The following MKRN2 variants were observed in gnomAD, a reference collection of about 807,000 sequenced individuals.
The protein encoded by MKRN2 is E3 ubiquitin-protein ligase makorin-2.
Under a neutral mutation model 45.4 loss-of-function variants are expected in MKRN2, and 32 were observed. The ratio of observed to expected loss-of-function variants is 0.70; its 90% CI spans 0.53 to 0.95. The LOEUF is 0.95. MKRN2 is among the 40% of genes least tolerant of loss of function. The pLI is 0.00. For missense variants in MKRN2, 526 were observed against 536.7 expected, an observed-to-expected ratio of 0.98 and a Z score of 0.20; for synonymous variants, 206 against 192.4, an observed-to-expected ratio of 1.07 and a Z score of -0.59.
Position 12,581,863 on chromosome 3 carries a change from A to C in MKRN2, c.1024A>C (p.Lys342Gln), listed in dbSNP as rs1458298640. Reference protein sequence around the residue: ...QGKGTCPFGSKCLYRHAYPDG... With the variant: ...QGKGTCPFGSQCLYRHAYPDG... ...CAAGGGGACCTGCCCATTTGGAAGC[A>C]AATGTCTTTATCGCCATGCTTACCC... is the stretch of plus-strand genomic sequence containing the variant. The change falls in exon 7 of 8, where the codon AAA becomes CAA. Residue 342 changes from lysine (K) to glutamine (Q), a missense_variant. Lys to Gln is a moderately conservative substitution (Grantham distance 53). Coordinates refer to ENST00000170447, the MANE Select transcript of MKRN2 (RefSeq NM_014160.5). 6.2e-7 allele frequency: 1 copy of C among 1,614,200 alleles called. No homozygotes were observed. The highest frequency in any genetic ancestry group is 8.5e-7 in the Non-Finnish European group (1 of 1,180,042).
rs928716386 is a variant in MKRN2 at position 12,571,166 on chromosome 3, G to A, written c.338-903G>A. ...TTTGGAGATGGAGACTCGCTCTGTC[G>A]CCTAGGCTGCAGTGCAGTGGCATGA... On this transcript the variant is annotated intron_variant, in intron 3 of 7. Coordinates refer to ENST00000170447, the MANE Select transcript of MKRN2 (RefSeq NM_014160.5). 5.9e-5 allele frequency among the ~76,000 whole-genome samples: 9 copies of A among 151,380 alleles called. No homozygotes were observed. The South Asian group carries it at 8.3e-4, about 14-fold the overall frequency.
At chr3:12,577,545 GTTGTCTT>G in intron 6 of MKRN2, among the ~76,000 whole-genome samples, 1 of 151,980 alleles carries the variant, frequency 6.6e-6, no homozygotes, top group Middle Eastern at 3.4e-3. Flanking sequence ...GTTGACCTCT[GTTGTCTT>G]TTAAGAATGG....
Position 12,582,288 on chromosome 3 carries a change from C to T in MKRN2, c.*35C>T, listed in dbSNP as rs111978358. The T allele has an allele frequency of 2.4e-5, 39 of 1,609,246 alleles. No homozygotes were observed. The highest frequency in any genetic ancestry group is 4.0e-5 in the African/African-American group (3 of 74,940). On this transcript the variant is annotated 3_prime_UTR_variant, in exon 8 of 8. Coordinates refer to ENST00000170447, the MANE Select transcript of MKRN2 (RefSeq NM_014160.5). Reference sequence around the variant, plus strand: ...GGTTGCCCTGCATCTTGGGCTCCATCGGCCGAAACTTTCCCAAGCCAGGGT... The same window carrying T: ...GGTTGCCCTGCATCTTGGGCTCCATTGGCCGAAACTTTCCCAAGCCAGGGT...
rs2125306803 is a variant in MKRN2 at position 12,576,686 on chromosome 3, G to A, written c.913G>A (p.Val305Met). The A allele has an allele frequency of 3.7e-6, 6 of 1,610,904 alleles. No individual in the cohort carries two copies. The highest frequency in any genetic ancestry group is 4.2e-6 in the Non-Finnish European group (5 of 1,177,430). ...SEFVIPSVYW[V>M]EDQNKKNELI... ...GTTTGTAATTCCAAGTGTGTATTGG[G>A]TGGAAGATCAGAATAAAAAGAACGA... Residue 305 changes from valine to methionine, a missense_variant, in exon 6 of 8, where the codon GTG (valine) becomes ATG (methionine). Physicochemically the swap from Val to Met is conservative, Grantham distance 21. Coordinates refer to ENST00000170447, the MANE Select transcript of MKRN2 (RefSeq NM_014160.5).
At chr3:12,565,474 C>T (rs974386352) in intron 1 of MKRN2, among the ~76,000 whole-genome samples, 3 of 148,282 alleles carry the variant, frequency 2.0e-5, no homozygotes, top group African/African-American at 7.5e-5. Context: ...TTTTCCAAGT[C>T]GATTTTGGGT....
At chr3:12,560,657 T>G (rs2058029629) in intron 1 of MKRN2, 1 of 152,266 alleles carries the variant, frequency 6.6e-6, no homozygotes, top group African/African-American at 2.4e-5. Flanking sequence ...GCAGTGAACC[T>G]GATATGCTCT....
intron 1 of MKRN2, 102 bp downstream of exon 1, chr3:12,557,278 C>T: frequency 6.9e-7 from 1 of 1,441,016 alleles, no homozygotes; most frequent in Non-Finnish European, 9.2e-7. Context: ...TAGAGCGGGA[C>T]TCGGAAAGTT....
rs2058201766 is a variant in MKRN2, at chr3:12,583,298, T to A, written c.*1045T>A. On this transcript the variant is annotated 3_prime_UTR_variant, in exon 8 of 8. Transcript: ENST00000170447. ...GAACCAGCACTAGCTTGTTCCAAGC[T>A]GGAATTTATCTAATCTATTTTTGTG... 6.5e-6 allele frequency: 1 copy of A among 153,530 alleles called. No homozygotes were observed. Among genetic ancestry groups the A allele is most frequent in the Non-Finnish European group, 1.5e-5 (1 of 68,860 alleles). 9.5% of individuals were successfully genotyped at this position (153,530 alleles called of 1,614,324 possible). A position where few individuals can be genotyped will look rare whatever the true frequency, so the allele number is the denominator to read the frequency against.
chr3:12,565,323 T>TC, intron 1 of MKRN2, among the ~76,000 whole-genome samples: 2 of 152,286 alleles, frequency 1.3e-5, no homozygotes, highest in African/African-American at 4.8e-5. Context: ...TCATAGGTTG[T>TC]CCCCAGTCTC....
intron 4 of MKRN2, 36 bp from the exon 5 acceptor site, chr3:12,574,756 C>G: frequency 6.3e-7 from 1 of 1,585,272 alleles, no homozygotes. Context: ...CCTCAGTGGC[C>G]CACAACCAAA....
In MKRN2 at chr3:12,576,819, C is replaced by T. The variant is rs531497750; in HGVS notation, c.968+78C>T. The T allele has an allele frequency of 7.5e-6, 8 of 1,060,246 alleles. No homozygotes were observed. In the South Asian group the frequency reaches 1.1e-4, roughly 15 times the overall value. 65.7% of individuals were successfully genotyped at this position (1,060,246 alleles called of 1,614,324 possible). On this transcript the variant is annotated intron_variant, in intron 6 of 7. Coordinates refer to ENST00000170447, the MANE Select transcript of MKRN2 (RefSeq NM_014160.5). ...CAGCCCGTGTCCTCGTTCTCCTTCC[C>T]AGGAGTGTGGTCTTAGGGGCCTCTT...
intron 4 of MKRN2, among the ~76,000 whole-genome samples, chr3:12,573,312 C>T (rs191822002): frequency 6.6e-6 from 1 of 151,808 alleles, no homozygotes; most frequent in Non-Finnish European, 1.5e-5. Context: ...ATTGCTTGAC[C>T]CCAGGAGTTT....
chr3:12,576,484 T>G, intron 5 of MKRN2, 147 bp from the exon 6 acceptor site: 2 of 549,662 alleles, frequency 3.6e-6, no homozygotes, highest in Admixed American at 3.2e-5. Context: ...GTAAATAAGG[T>G]TCTTGGATGA....
At chr3:12,575,690 C>T (rs564876492) in intron 5 of MKRN2, among the ~76,000 whole-genome samples, 14 of 152,262 alleles carry the variant, frequency 9.2e-5, no homozygotes, top group Admixed American at 7.2e-4. Flanking sequence ...GAGATAAAAG[C>T]CCACAATTTA....
At chr3:12,563,430 C>T (rs1380686240) in intron 1 of MKRN2, among the ~76,000 whole-genome samples, 1 of 151,330 alleles carries the variant, frequency 6.6e-6, no homozygotes, top group Non-Finnish European at 1.5e-5. Context: ...CAGTCTGGGC[C>T]TCTCGGGCCT....
intron 1 of MKRN2, among the ~76,000 whole-genome samples, chr3:12,563,527 G>T (rs1429770870): frequency 8.0e-6 from 1 of 125,162 alleles, no homozygotes; most frequent in Non-Finnish European, 1.6e-5. Context: ...GTCTCACTCT[G>T]TCGCCAGGCT....
rs35726193 is a variant in MKRN2 at position 12,567,481 on chromosome 3, CTT to C, written c.27-1372_27-1371del. The stretch of plus-strand genomic sequence containing the variant: ...CCCTTTGTTGCCCTGGCTAGTTTAT[CTT>C]TTTTTTTTTTTTTTTTTTTTTGAGA... On this transcript the variant is annotated intron_variant, in intron 1 of 7. Transcript: ENST00000170447. Among the ~76,000 whole-genome samples, 243 of 76,982 alleles carry C rather than the reference CTT, an allele frequency of 3.2e-3. 1 individual carries two copies. Among genetic ancestry groups the C allele is most frequent in the Middle Eastern group, 0.024 (2 of 84 alleles). The allele number at this position is 76,982 out of a possible 152,430, so 50.5% of individuals were successfully genotyped here.
chr3:12,560,252 CTG>C lies in MKRN2; in HGVS notation c.26+3077_26+3078del, dbSNP rs369572790. Among the ~76,000 whole-genome samples the C allele has an allele frequency of 3.6e-3, 543 of 152,200 alleles. 2 individuals are homozygous for C. The highest frequency in any genetic ancestry group is 0.012 in the African/African-American group (505 of 41,526). ...TATAATCACATTACAGATGGGGAAA[CTG>C]AGGCTCAGTGACTTAAATAACTTGC... On this transcript the variant is annotated intron_variant, in intron 1 of 7. Transcript: ENST00000170447.
chr3:12,574,671 C>A (rs1575521406), intron 4 of MKRN2, 121 bp from the exon 5 acceptor site: 5 of 914,890 alleles, frequency 5.5e-6, no homozygotes, highest in South Asian at 4.7e-5. Context: ...TTGCTCACAG[C>A]AGTCGCTGTC....
Sources: gnomAD v4.1 joint callset for allele counts (sites outside exome capture counted in the v4.1 genomes callset) on GRCh38, gnomAD v4.1.1 for gene constraint, MANE v1.5 for transcripts, NCBI Gene and HGNC (gene_info 2026-07-23, HGNC 2026-07-21) for gene names.